Variants in DDX51 observed in about 807,000 individuals in gnomAD.
DDX51 encodes ATP-dependent RNA helicase DDX51.
Under a neutral mutation model 74.6 loss-of-function variants are expected in DDX51, and 67 were observed. That is an observed-to-expected ratio of 0.90 (90% CI 0.74 to 1.10). The LOEUF (loss-of-function observed/expected upper bound fraction) is 1.10. Among genes scored for constraint, DDX51 ranks in the 50% least tolerant of loss-of-function variants. The probability of loss-of-function intolerance (pLI) is 0.00; values close to 1 mark genes in which losing one functional copy is unlikely to be tolerated. For missense variants in DDX51, 1,056 were observed against 905.2 expected (o/e 1.17, Z -2.14); for synonymous variants, 545 against 402.9 (o/e 1.35, Z -4.22).
rs1484323464 is a variant in DDX51, at chr12:132,140,461, C to T, written c.1635G>A (p.Arg545=). 1.9e-5 allele frequency: 31 copies of T among 1,613,278 alleles called. No individual in the cohort carries two copies. Among genetic ancestry groups the T allele is most frequent in the Non-Finnish European group, 2.6e-5 (31 of 1,180,030 alleles). The change falls in exon 11 of 15, where the codon AGG becomes AGA. Residue 545 remains arginine (R), a synonymous_variant. Coordinates refer to ENST00000397333, the MANE Select transcript of DDX51 (RefSeq NM_175066.4). ...CCTGTTCAAACTGCTTCAGGATCAT[C>T]CTCCTCTGGCCAGGCCCGTAGCGCG... ...FSSRYGPGQR[R]MILKQFEQGK...
chr12:132,143,620 G>A, intron 2 of DDX51, 75 bp downstream of exon 2: 1 of 1,509,240 alleles, frequency 6.6e-7, no homozygotes, highest in Non-Finnish European at 8.9e-7. Flanking sequence ...AAATCTTCCG[G>A]GGCGACCGCC....
rs777104476 is a variant in DDX51, at chr12:132,140,510, C to G, written c.1586G>C (p.Gly529Ala). ...RLFLLVQAFG[G>A]VDVAEFSSRY... ...CGAGGAGAACTCAGCCACGTCCACA[C>G]CCCCAAAAGCTTGCACCAGCAGGAA... is the stretch of plus-strand genomic sequence containing the variant. The change falls in exon 11 of 15, where the codon GGT becomes GCT. Residue 529 changes from glycine (G) to alanine (A), a missense_variant. Coordinates refer to ENST00000397333, the MANE Select transcript of DDX51 (RefSeq NM_175066.4). 1 of 1,613,112 alleles carries G rather than the reference C, an allele frequency of 6.2e-7. No homozygotes were observed. The highest frequency in any genetic ancestry group is 8.5e-7 in the Non-Finnish European group (1 of 1,180,024).
chr12:132,143,821 C>A lies in DDX51; in HGVS notation c.393G>T (p.Ala131=). 6.7e-7 allele frequency: 1 copy of A among 1,498,050 alleles called. No homozygotes were observed. Among genetic ancestry groups the A allele is most frequent in the East Asian group, 2.8e-5 (1 of 35,404 alleles). The allele number at this position is 1,498,050 out of a possible 1,614,324, so 92.8% of individuals were successfully genotyped here. ...GEPSAGSSEE[A]PGERSTSASA... is the part of the protein sequence containing the mutation. ...TGGCGCTGGTGCTGCGCTCCCCCGG[C>A]GCCTCCTCGCTGCTCCCTGCGCTGG... The change falls in exon 2 of 15, where the codon GCG becomes GCT. Residue 131 remains alanine (A), a synonymous_variant. Transcript: ENST00000397333.
At chr12:132,140,365 T>G (rs1897399472) in intron 11 of DDX51, 58 bp downstream of exon 11, 1 of 1,598,250 alleles carries the variant, frequency 6.3e-7, no homozygotes, top group East Asian at 2.2e-5. Flanking sequence ...AGCCCCAGGC[T>G]GACCCTGGAG....
At chr12:132,142,669 C>T (rs931791676) in intron 3 of DDX51, 59 bp downstream of exon 3, 3 of 1,596,218 alleles carry the variant, frequency 1.9e-6, no homozygotes, top group Admixed American at 1.7e-5. Flanking sequence ...CCACTCACAG[C>T]CTTGTGTGTG....
chr12:132,140,411 C>A lies in DDX51; in HGVS notation c.1673+12G>T. 6.2e-7 allele frequency: 1 copy of A among 1,613,034 alleles called. No homozygotes were observed. Among genetic ancestry groups the A allele is most frequent in the Non-Finnish European group, 8.5e-7 (1 of 1,179,940 alleles). Reference sequence around the variant, plus strand: ...CACCCCACAGAGGCCTTGCCCCTGCCCAGGAACTCACAGCTGGATCTTCCC... The same window carrying A: ...CACCCCACAGAGGCCTTGCCCCTGCACAGGAACTCACAGCTGGATCTTCCC... On this transcript the variant is annotated intron_variant, in intron 11 of 14. Coordinates refer to ENST00000397333, the MANE Select transcript of DDX51 (RefSeq NM_175066.4).
At chr12:132,142,025 G>T in intron 5 of DDX51, 69 bp from the exon 6 acceptor site, 2 of 1,607,594 alleles carry the variant, frequency 1.2e-6, no homozygotes, top group Non-Finnish European at 1.7e-6. Flanking sequence ...AAGGACCCCA[G>T]ATCTAATCTG....
At position 132,143,676 on chromosome 12, in the gene DDX51, C is replaced by G; in HGVS notation, c.519+19G>C. 6.5e-7 allele frequency: 1 copy of G among 1,536,810 alleles called. No homozygotes were observed. Among genetic ancestry groups the G allele is most frequent in the Non-Finnish European group, 8.7e-7 (1 of 1,144,802 alleles). The stretch of plus-strand genomic sequence containing the variant: ...CCTACCCTCTCACGCCGACCACCCT[C>G]CCGCCCGCCGAGGCTCACCTTCGGC... On this transcript the variant is annotated intron_variant, in intron 2 of 14. Transcript: ENST00000397333.
chr12:132,142,535 C>T, intron 3 of DDX51, 113 bp from the exon 4 acceptor site: 1 of 1,495,316 alleles, frequency 6.7e-7, no homozygotes, highest in Non-Finnish European at 8.9e-7. Flanking sequence ...GGGAACCGCT[C>T]CCCAGAGGGA....
rs909157842 is a variant in DDX51, at chr12:132,142,265, C to T, written c.816+12G>A. The T allele has an allele frequency of 1.2e-6, 2 of 1,612,448 alleles. No homozygotes were observed. The highest frequency in any genetic ancestry group is 1.7e-6 in the Non-Finnish European group (2 of 1,179,566). ...CACACCCGCTGTAGAGAAAGGGGACCCTCACACAGACCTGCACCACAGGGA... is the reference window on the plus strand; with the variant it reads ...CACACCCGCTGTAGAGAAAGGGGACTCTCACACAGACCTGCACCACAGGGA... On this transcript the variant is annotated intron_variant, in intron 4 of 14. Coordinates refer to ENST00000397333, the MANE Select transcript of DDX51 (RefSeq NM_175066.4).
Position 132,143,879 on chromosome 12 carries a change from C to A in DDX51, c.335G>T (p.Ser112Ile). 6.6e-7 allele frequency: 1 copy of A among 1,511,014 alleles called. No individual in the cohort carries two copies. The highest frequency in any genetic ancestry group is 8.8e-7 in the Non-Finnish European group (1 of 1,142,564). 93.6% of individuals were successfully genotyped at this position (1,511,014 alleles called of 1,614,324 possible). The change falls in exon 2 of 15, where the codon AGC becomes ATC. Residue 112 changes from serine (S) to isoleucine (I), a missense_variant. Coordinates refer to ENST00000397333, the MANE Select transcript of DDX51 (RefSeq NM_175066.4). ...TGGCGCCTCCTCGCTGCTCCCTGCG[C>A]TGGGCTCCCCTGGCGCCTCCTCGTT... is the stretch of plus-strand genomic sequence containing the variant. ...ESNEEAPGEPSAGSSEEAPGE... is the reference protein window; with the variant it reads ...ESNEEAPGEPIAGSSEEAPGE...
At position 132,139,870 on chromosome 12, in the gene DDX51, C is replaced by A. The variant is rs771549191; in HGVS notation, c.1830G>T (p.Leu610=). ...GKTGQAFTLL[L]KVQERRFLRM... ...ACCCTCGCAGCCTCACCTGCACTTTCAGGAGCAGTGTGAAGGCCTGTCCAG... is the reference window on the plus strand; with the variant it reads ...ACCCTCGCAGCCTCACCTGCACTTTAAGGAGCAGTGTGAAGGCCTGTCCAG... Residue 610 remains leucine (L), a synonymous_variant, in exon 13 of 15, where the codon CTG becomes CTT. Coordinates refer to ENST00000397333, the MANE Select transcript of DDX51 (RefSeq NM_175066.4). The A allele has an allele frequency of 6.8e-6, 11 of 1,613,236 alleles. No individual in the cohort carries two copies. The highest frequency in any genetic ancestry group is 9.3e-6 in the Non-Finnish European group (11 of 1,180,014).
intron 14 of DDX51, 21 bp from the exon 15 acceptor site, chr12:132,139,319 C>G (rs745411889): frequency 6.2e-7 from 1 of 1,606,054 alleles, no homozygotes; most frequent in Non-Finnish European, 8.5e-7. Context: ...AAGGGGAGGG[C>G]TCAGCACCAC....
intron 14 of DDX51, 96 bp from the exon 15 acceptor site, chr12:132,139,394 GC>G: frequency 6.4e-7 from 1 of 1,555,754 alleles, no homozygotes. Context: ...AGGACAGGAA[GC>G]CCTGTGCATG....
At chr12:132,141,454 G>A (rs201772117) in intron 7 of DDX51, 34 bp from the exon 8 acceptor site, 30 of 1,580,432 alleles carry the variant, frequency 1.9e-5, no homozygotes, top group African/African-American at 2.7e-5. Flanking sequence ...ACTGGGTGGC[G>A]CGGCCCTGAG....
At chr12:132,140,758 G>C (rs1320888531) in intron 9 of DDX51, 23 bp from the exon 10 acceptor site, 1 of 1,613,038 alleles carries the variant, frequency 6.2e-7, no homozygotes, top group South Asian at 1.1e-5. Flanking sequence ...CAGGGGGTCG[G>C]GGTGGAGGTG....
chr12:132,140,106 G>A lies in DDX51; in HGVS notation c.1767C>T (p.Tyr589=), dbSNP rs762033125. Residue 589 remains tyrosine (Y), a synonymous_variant, in exon 12 of 15, where the codon TAC becomes TAT. Transcript: ENST00000397333. Reference sequence around the variant, plus strand: ...GCTGCGCCAGCGCTCACCGGTGCACGTAGGTTCTCAGGTACTGGGGGGCGT... The same window carrying A: ...GCTGCGCCAGCGCTCACCGGTGCACATAGGTTCTCAGGTACTGGGGGGCGT... The part of the protein sequence containing the change: ...NYDAPQYLRT[Y]VHRVGRTARA... The A allele has an allele frequency of 2.1e-5, 34 of 1,612,594 alleles. No homozygotes were observed. Among genetic ancestry groups the A allele is most frequent in the Non-Finnish European group, 2.6e-5 (31 of 1,179,932 alleles).
Position 132,144,175 on chromosome 12 carries a change from C to T in DDX51, c.122G>A (p.Arg41Gln), listed in dbSNP as rs17857214. The T allele has an allele frequency of 5.1e-6, 6 of 1,176,332 alleles. No homozygotes were observed. Among genetic ancestry groups the T allele is most frequent in the Non-Finnish European group, 4.2e-6 (4 of 953,140 alleles). The allele number at this position is 1,176,332 out of a possible 1,614,324, so 72.9% of individuals were successfully genotyped here. ...ARALLERLQS[R>Q]ARERQQQREP... ...CCGCTGCTGCTGCCGTTCGCGGGCCCGGCTCTGCAGCCGCTCGAGCAGCGC... is the reference window on the plus strand; with the variant it reads ...CCGCTGCTGCTGCCGTTCGCGGGCCTGGCTCTGCAGCCGCTCGAGCAGCGC... The change falls in exon 1 of 15, where the codon CGG (arginine) becomes CAG (glutamine). Residue 41 changes from arginine (R) to glutamine (Q), a missense_variant. By Grantham distance (43) the Arg-to-Gln change is conservative. Transcript: ENST00000397333.
At position 132,141,186 on chromosome 12, in the gene DDX51, C is replaced by A. The variant is rs548965960; in HGVS notation, c.1250+89G>T. 4.0e-6 allele frequency: 6 copies of A among 1,509,438 alleles called. No homozygotes were observed. In the African/African-American group the frequency reaches 6.9e-5, roughly 17 times the overall value. The allele number at this position is 1,509,438 out of a possible 1,614,324, so 93.5% of individuals were successfully genotyped here. A position where few individuals can be genotyped will look rare whatever the true frequency, so the allele number is the denominator to read the frequency against. On this transcript the variant is annotated intron_variant, in intron 8 of 14. Transcript: ENST00000397333. ...CGGTTCTGTGCACCAGAGCTCAAGC[C>A]ACCCTTATCTCTGGGCATTAAGGAA...
Sources: gnomAD v4.1 joint callset for allele counts on GRCh38, gnomAD v4.1.1 for gene constraint, MANE v1.5 for transcripts, NCBI Gene and HGNC (gene_info 2026-07-23, HGNC 2026-07-21) for gene names.